IQCH: variants seen among roughly 807,000 people sequenced by gnomAD.
IQCH encodes IQ motif containing H.
A neutral mutation model predicts 117.0 loss-of-function variants in IQCH; 98 were observed. The observed-to-expected ratio is 0.84, with a 90% confidence interval of 0.71 to 0.99. The LOEUF (loss-of-function observed/expected upper bound fraction) is 0.99. Among genes scored for constraint, IQCH ranks in the 50% least tolerant of loss-of-function variants. The pLI, the probability that IQCH is intolerant of heterozygous loss-of-function variation, is 0.00. For synonymous variants in IQCH, 412 were observed against 448.2 expected (o/e 0.92, Z 1.02); for missense variants, 1,102 against 1,243.8 (o/e 0.89, Z 1.72).
intron 16 of IQCH, among the ~76,000 whole-genome samples, chr15:67,428,835 G>A (rs549593181): frequency 6.9e-6 from 1 of 145,456 alleles, no homozygotes; most frequent in South Asian, 2.3e-4. Flanking sequence ...GTGACAGAGT[G>A]AGACTCTGTC....
At position 67,457,944 on chromosome 15, in the gene IQCH, C is replaced by T. The variant is rs1224473985; in HGVS notation, c.2506-7183C>T. On this transcript the variant is annotated intron_variant, in intron 16 of 20. Transcript: ENST00000335894. This position sits in a 1 kb window ranked among gnomAD's most constrained non-coding sequence, Gnocchi z 5.7. Reference sequence around the variant, plus strand: ...ACGTGATGAGAAGTGGACTGAGCTGCCTCTGCCTTGTCCCCTGGGGAAGGC... The same window carrying T: ...ACGTGATGAGAAGTGGACTGAGCTGTCTCTGCCTTGTCCCCTGGGGAAGGC... 6.6e-6 allele frequency among the ~76,000 whole-genome samples: 1 copy of T among 152,102 alleles called. No homozygotes were observed. The highest frequency in any genetic ancestry group is 1.5e-5 in the Non-Finnish European group (1 of 68,038).
At chr15:67,302,821 C>T (rs2140534565) in intron 4 of IQCH, among the ~76,000 whole-genome samples, 1 of 152,322 alleles carries the variant, frequency 6.6e-6, no homozygotes, top group African/African-American at 2.4e-5. Flanking sequence ...TGTGTCACTG[C>T]ACTCCAGCCT....
At chr15:67,306,268 A>T (rs1967289309) in intron 4 of IQCH, among the ~76,000 whole-genome samples, 1 of 152,124 alleles carries the variant, frequency 6.6e-6, no homozygotes, top group Non-Finnish European at 1.5e-5. Context: ...GCATTTGGGG[A>T]TAAATGCAGT....
chr15:67,308,320 A>G (rs775144815), intron 4 of IQCH, among the ~76,000 whole-genome samples: 6 of 152,174 alleles, frequency 3.9e-5, no homozygotes, highest in Non-Finnish European at 5.9e-5. Context: ...AGTTTGAGGG[A>G]GCCAGCAGAC....
chr15:67,295,083 G>A lies in IQCH; in HGVS notation c.387+15571G>A, dbSNP rs376438782. Among the ~76,000 whole-genome samples the A allele has an allele frequency of 1.1e-4, 17 of 152,140 alleles. No individual in the cohort carries two copies. The East Asian group carries it at 2.7e-3, about 24-fold the overall frequency. On this transcript the variant is annotated intron_variant, in intron 4 of 20. Coordinates refer to ENST00000335894, the MANE Select transcript of IQCH (RefSeq NM_001031715.3). Reference sequence around the variant, plus strand: ...AAATCACTTTCTTATCCCTTGAGACGGCTATTTTAAACTTTCTCCTCTTTC... The same window carrying A: ...AAATCACTTTCTTATCCCTTGAGACAGCTATTTTAAACTTTCTCCTCTTTC...
Position 67,475,922 on chromosome 15 carries a change from CG to C in IQCH, c.2799+106del. 1 of 1,009,162 alleles carries C rather than the reference CG, an allele frequency of 9.9e-7. No homozygotes were observed. Among genetic ancestry groups the C allele is most frequent in the Non-Finnish European group, 1.5e-6 (1 of 672,046 alleles). 62.5% of individuals were successfully genotyped at this position (1,009,162 alleles called of 1,614,324 possible). Reference sequence around the variant, plus strand: ...CTTCAGATAGATATTCTTTAAATACCGGTTTGACGTGTCTGTAGAGGAAGGC... The same window carrying C: ...CTTCAGATAGATATTCTTTAAATACCGTTTGACGTGTCTGTAGAGGAAGGC... On this transcript the variant is annotated intron_variant, in intron 18 of 20. Transcript: ENST00000335894. The surrounding 1 kb of genome is among the most constrained non-coding windows in gnomAD (Gnocchi z 5.7).
Position 67,403,123 on chromosome 15 carries a change from G to A in IQCH, c.2097+2818G>A, listed in dbSNP as rs1971734443. Among the ~76,000 whole-genome samples, 1 of 152,052 alleles carries A rather than the reference G, an allele frequency of 6.6e-6. No individual in the cohort carries two copies. Among genetic ancestry groups the A allele is most frequent in the Non-Finnish European group, 1.5e-5 (1 of 68,012 alleles). On this transcript the variant is annotated intron_variant, in intron 14 of 20. Transcript: ENST00000335894. This position sits in a 1 kb window ranked among gnomAD's most constrained non-coding sequence, Gnocchi z 4.8. ...AAATTAGTCGGGGCTGGTGGTGCATGCCTGTAGTACCAGCTACTTGGGAGG... is the reference window on the plus strand; with the variant it reads ...AAATTAGTCGGGGCTGGTGGTGCATACCTGTAGTACCAGCTACTTGGGAGG...
At chr15:67,334,799 T>C (rs1334183977) in intron 4 of IQCH, among the ~76,000 whole-genome samples, 1 of 152,256 alleles carries the variant, frequency 6.6e-6, no homozygotes, top group Non-Finnish European at 1.5e-5. Context: ...CCCTCTTCTA[T>C]ACTCCTACAG....
At chr15:67,468,535 C>T (rs181522044) in intron 17 of IQCH, among the ~76,000 whole-genome samples, 136 of 152,300 alleles carry the variant, frequency 8.9e-4, no homozygotes, top group Admixed American at 3.8e-3. Context: ...AGTTAGGATA[C>T]ATTATCTTCT....
chr15:67,360,572 T>C (rs17231180), intron 8 of IQCH, among the ~76,000 whole-genome samples: 6,014 of 152,334 alleles, frequency 0.039, 216 homozygotes, highest in South Asian at 0.18. Context: ...TTCCTTCACG[T>C]AGAGTTGCTG....
chr15:67,462,976 T>C, intron 16 of IQCH, among the ~76,000 whole-genome samples: 1 of 152,256 alleles, frequency 6.6e-6, no homozygotes, highest in East Asian at 1.9e-4. Flanking sequence ...ATTTATTTGC[T>C]ATTATAAAAG....
At chr15:67,303,919 C>G (rs1967174677) in intron 4 of IQCH, among the ~76,000 whole-genome samples, 1 of 152,090 alleles carries the variant, frequency 6.6e-6, no homozygotes, top group East Asian at 1.9e-4. Flanking sequence ...CTGTAAATGT[C>G]CCTAGAGGAA....
At chr15:67,291,518 C>T (rs1394178962) in intron 4 of IQCH, among the ~76,000 whole-genome samples, 5 of 152,106 alleles carry the variant, frequency 3.3e-5, no homozygotes, top group Non-Finnish European at 5.9e-5. Context: ...CAGCAATGTA[C>T]ATTTGTATCT....
At chr15:67,328,417 T>G (rs188731529) in intron 4 of IQCH, among the ~76,000 whole-genome samples, 4 of 152,322 alleles carry the variant, frequency 2.6e-5, no homozygotes, top group African/African-American at 9.6e-5. Context: ...GAGTTTTGAA[T>G]TGCATAATGC....
At position 67,366,554 on chromosome 15, in the gene IQCH, C is replaced by T. The variant is rs1478623671; in HGVS notation, c.754-5557C>T. The stretch of plus-strand genomic sequence containing the variant: ...ATAAAGATACCTTTCAAAGCAATTG[C>T]AGAAATTATTCCTAGAAAATTGCTG... On this transcript the variant is annotated intron_variant, in intron 8 of 20. Transcript: ENST00000335894. This position sits in a 1 kb window ranked among gnomAD's most constrained non-coding sequence, Gnocchi z 4.4. Among the ~76,000 whole-genome samples, 1 of 152,218 alleles carries T rather than the reference C, an allele frequency of 6.6e-6. No homozygotes were observed. Among genetic ancestry groups the T allele is most frequent in the Non-Finnish European group, 1.5e-5 (1 of 68,050 alleles).
chr15:67,354,707 C>G lies in IQCH; in HGVS notation c.638-2638C>G, dbSNP rs539528602. Among the ~76,000 whole-genome samples, 3 of 152,256 alleles carry G rather than the reference C, an allele frequency of 2.0e-5. No homozygotes were observed. In the South Asian group the frequency reaches 6.2e-4, roughly 32 times the overall value. ...TGTGACTATAAATATCAGAAAAATA[C>G]CAGTGGCCTAAACAATGAAGAATTT... On this transcript the variant is annotated intron_variant, in intron 6 of 20. Coordinates refer to ENST00000335894, the MANE Select transcript of IQCH (RefSeq NM_001031715.3).
chr15:67,275,054 T>G (rs1040704000), intron 3 of IQCH, among the ~76,000 whole-genome samples: 2 of 152,168 alleles, frequency 1.3e-5, no homozygotes, highest in Non-Finnish European at 2.9e-5. Flanking sequence ...TCTGATTTGG[T>G]GTCTCCTTTG....
intron 4 of IQCH, among the ~76,000 whole-genome samples, chr15:67,301,401 GTTTTTTTT>G (rs10663973): frequency 2.0e-3 from 152 of 75,372 alleles, no homozygotes; most frequent in African/African-American, 7.7e-3. Context: ...GTTATGTTAA[GTTTTTTTT>G]TTTTTTTTTT....
At chr15:67,292,381 A>G (rs543890665) in intron 4 of IQCH, among the ~76,000 whole-genome samples, 8 of 152,172 alleles carry the variant, frequency 5.3e-5, no homozygotes, top group African/African-American at 1.9e-4. Context: ...CCTCCCGAGT[A>G]GCTGAGACTG....
Sources: gnomAD v4.1 joint callset for allele counts (sites outside exome capture counted in the v4.1 genomes callset) on GRCh38, gnomAD v4.1.1 for gene constraint, Gnocchi (gnomAD v3.1) non-coding constraint, MANE v1.5 for transcripts, NCBI Gene and HGNC (gene_info 2026-07-23, HGNC 2026-07-21) for gene names.